The following CSMD3 variants were observed in gnomAD, a reference collection of about 807,000 sequenced individuals.
The protein encoded by CSMD3 is CUB and sushi domain-containing protein 3.
In CSMD3, 177 loss-of-function variants were observed where a neutral mutation model predicts 435.2. The ratio of observed to expected loss-of-function variants is 0.41; its 90% confidence interval spans 0.36 to 0.46. The LOEUF (loss-of-function observed/expected upper bound fraction) is 0.46, where lower values mean the gene tolerates loss of function less well. CSMD3 is among the 20% of genes least tolerant of loss of function. The pLI, the probability that CSMD3 is intolerant of heterozygous loss-of-function variation, is 0.34. For synonymous variants in CSMD3, 1,656 were observed against 1,520.5 expected (o/e 1.09, Z -2.07); for missense variants, 4,265 against 4,504.6 (o/e 0.95, Z 1.52).
At position 113,017,645 on chromosome 8, in the gene CSMD3, T is replaced by C. The variant is rs139814934; in HGVS notation, c.1030+1422A>G. Reference sequence around the variant, plus strand: ...TAGAAAGGAATCAGAGCCACAGAGTTAGGTGGATGAAAAACTCCACAAGTA... The same window carrying C: ...TAGAAAGGAATCAGAGCCACAGAGTCAGGTGGATGAAAAACTCCACAAGTA... On this transcript the variant is annotated intron_variant, in intron 6 of 70. Transcript: ENST00000297405. 6.6e-3 allele frequency among the ~76,000 whole-genome samples: 1,007 copies of C among 152,014 alleles called. 12 individuals are homozygous for C. The highest frequency in any genetic ancestry group is 0.023 in the African/African-American group (965 of 41,530).
At chr8:112,719,541 G>GT (rs1326594331) in intron 13 of CSMD3, among the ~76,000 whole-genome samples, 2 of 151,952 alleles carry the variant, frequency 1.3e-5, no homozygotes, top group Admixed American at 1.3e-4. Flanking sequence ...TCCTCACATG[G>GT]GAAAAAGAGA....
intron 13 of CSMD3, among the ~76,000 whole-genome samples, chr8:112,758,647 T>C (rs1336729701): frequency 6.6e-6 from 1 of 152,306 alleles, no homozygotes; most frequent in East Asian, 1.9e-4. Flanking sequence ...CAAACTTTAC[T>C]GTTCAACTTC....
chr8:113,392,955 ATATGTG>A lies in CSMD3; in HGVS notation c.178+43716_178+43721del, dbSNP rs201288627. On this transcript the variant is annotated intron_variant, in intron 1 of 70. Coordinates refer to ENST00000297405, the MANE Select transcript of CSMD3 (RefSeq NM_198123.2). ...TCTCTGCATGTGTCTATATATATAT[ATATGTG>A]TGTGTGTGTGTGTGTATATACATAT... Among the ~76,000 whole-genome samples the A allele has an allele frequency of 5.0e-3, 721 of 144,744 alleles. 9 individuals carry two copies. The highest frequency in any genetic ancestry group is 0.012 in the African/African-American group (478 of 39,504). 95.0% of individuals were successfully genotyped at this position (144,744 alleles called of 152,430 possible). A position where few individuals can be genotyped will look rare whatever the true frequency, so the allele number is the denominator to read the frequency against.
intron 13 of CSMD3, among the ~76,000 whole-genome samples, chr8:112,703,141 C>T (rs961070373): frequency 4.6e-5 from 7 of 152,190 alleles, no homozygotes; most frequent in African/African-American, 1.4e-4. Context: ...ATGTTGCCTC[C>T]ACTGTCAGCT....
chr8:113,361,010 T>A (rs1231373181), intron 1 of CSMD3, among the ~76,000 whole-genome samples: 1 of 152,180 alleles, frequency 6.6e-6, no homozygotes, highest in Non-Finnish European at 1.5e-5. Context: ...CTGAATAGTT[T>A]TAAGCAGAAA....
At chr8:113,075,503 T>C (rs947490073) in intron 5 of CSMD3, among the ~76,000 whole-genome samples, 4 of 151,848 alleles carry the variant, frequency 2.6e-5, no homozygotes, top group Admixed American at 6.6e-5. Context: ...ATAACCATCC[T>C]AAATGTTAAA....
intron 17 of CSMD3, among the ~76,000 whole-genome samples, chr8:112,664,674 G>A (rs957301262): frequency 6.6e-6 from 1 of 152,128 alleles, no homozygotes; most frequent in African/African-American, 2.4e-5. Flanking sequence ...GACTTTAAAA[G>A]GGTAATTAAG....
At chr8:112,859,965 C>T (rs1175060475) in intron 10 of CSMD3, among the ~76,000 whole-genome samples, 4 of 151,696 alleles carry the variant, frequency 2.6e-5, no homozygotes, top group Non-Finnish European at 5.9e-5. Flanking sequence ...CAAATCCTGC[C>T]CATATTATCA....
intron 13 of CSMD3, among the ~76,000 whole-genome samples, chr8:112,762,458 A>G (rs1031387898): frequency 1.3e-5 from 2 of 151,978 alleles, no homozygotes; most frequent in African/African-American, 2.4e-5. Context: ...TAGGCAACAG[A>G]TATTTAGTAG....
intron 40 of CSMD3, among the ~76,000 whole-genome samples, chr8:112,348,374 C>T (rs999690255): frequency 6.6e-6 from 1 of 152,164 alleles, no homozygotes; most frequent in Admixed American, 6.5e-5. Context: ...CATAAATTTT[C>T]CTTCTTTCCA....
At position 112,748,102 on chromosome 8, in the gene CSMD3, T is replaced by C. The variant is rs548825242; in HGVS notation, c.1972+52060A>G. On this transcript the variant is annotated intron_variant, in intron 13 of 70. Coordinates refer to ENST00000297405, the MANE Select transcript of CSMD3 (RefSeq NM_198123.2). ...AGCCCTAGCTTTGGTAGGAGTATTATTGCCTTCTGGTTATTGCTTTTTGCT... is the reference window on the plus strand; with the variant it reads ...AGCCCTAGCTTTGGTAGGAGTATTACTGCCTTCTGGTTATTGCTTTTTGCT... Among the ~76,000 whole-genome samples the C allele has an allele frequency of 3.9e-5, 6 of 152,300 alleles. No individual in the cohort carries two copies. The East Asian group carries it at 1.2e-3, about 29-fold the overall frequency.
intron 32 of CSMD3, among the ~76,000 whole-genome samples, chr8:112,469,512 T>A (rs1223472833): frequency 6.6e-6 from 1 of 152,112 alleles, no homozygotes; most frequent in Non-Finnish European, 1.5e-5. Context: ...AGGGACAGGT[T>A]TTGTGAAAGA....
chr8:113,271,654 A>G (rs2093528053), intron 3 of CSMD3, among the ~76,000 whole-genome samples: 1 of 152,172 alleles, frequency 6.6e-6, no homozygotes, highest in African/African-American at 2.4e-5. Flanking sequence ...GCCCTCATGG[A>G]TAACTTACGC....
At chr8:113,065,507 C>A (rs1428853658) in intron 5 of CSMD3, among the ~76,000 whole-genome samples, 2 of 152,114 alleles carry the variant, frequency 1.3e-5, no homozygotes, top group Non-Finnish European at 2.9e-5. Flanking sequence ...CTGCCTCAGC[C>A]TCCCGAGTAG....
intron 13 of CSMD3, among the ~76,000 whole-genome samples, chr8:112,699,019 G>C: frequency 6.6e-6 from 1 of 151,968 alleles, no homozygotes; most frequent in East Asian, 1.9e-4. Context: ...CTATAAAATG[G>C]ACCCATCAGC....
chr8:112,712,998 A>G (rs1208303731), intron 13 of CSMD3, among the ~76,000 whole-genome samples: 1 of 152,102 alleles, frequency 6.6e-6, no homozygotes, highest in Non-Finnish European at 1.5e-5. Context: ...GCACCCATCA[A>G]AAAGAACCAA....
chr8:112,909,960 A>G (rs1446043640), intron 10 of CSMD3, among the ~76,000 whole-genome samples: 3 of 151,814 alleles, frequency 2.0e-5, no homozygotes, highest in African/African-American at 7.2e-5. Flanking sequence ...TCTGTAGAAC[A>G]AGGATATGAT....
chr8:112,676,509 G>C (rs1004341716), intron 16 of CSMD3, among the ~76,000 whole-genome samples: 19 of 151,820 alleles, frequency 1.3e-4, no homozygotes, highest in African/African-American at 4.1e-4. Flanking sequence ...TTAAATTATT[G>C]AGGAAAATTT....
chr8:113,355,830 T>G (rs565029098), intron 1 of CSMD3, among the ~76,000 whole-genome samples: 1 of 132,304 alleles, frequency 7.6e-6, no homozygotes, highest in Non-Finnish European at 1.6e-5. Flanking sequence ...ACCAAAAAAA[T>G]TATAGGAGCA....
Sources: gnomAD v4.1 joint callset for allele counts (sites outside exome capture counted in the v4.1 genomes callset) on GRCh38, gnomAD v4.1.1 for gene constraint, MANE v1.5 for transcripts, NCBI Gene and HGNC (gene_info 2026-07-23, HGNC 2026-07-21) for gene names.